The following CYRIB variants were observed in gnomAD, a reference collection of about 807,000 sequenced individuals.
CYRIB encodes CYFIP related Rac1 interactor B.
Under a neutral mutation model 44.2 loss-of-function variants are expected in CYRIB, and 8 were observed. That is an observed-to-expected ratio of 0.18 (90% CI 0.11 to 0.33). The LOEUF is 0.33. Among genes scored for constraint, CYRIB ranks in the 10% least tolerant of loss-of-function variants. CYRIB has a pLI of 1.00. For missense variants in CYRIB, 185 were observed against 382.8 expected (o/e 0.48, Z 4.31); for synonymous variants, 131 against 127.2 (o/e 1.03, Z -0.20).
At chr8:129,879,145 C>T (rs2060076953) in intron 3 of CYRIB, among the ~76,000 whole-genome samples, 1 of 152,026 alleles carries the variant, frequency 6.6e-6, no homozygotes, top group African/African-American at 2.4e-5. Flanking sequence ...TCGTAAATTA[C>T]AAAATAATCT....
chr8:129,943,592 CTT>C (rs1172470025), upstream of CYRIB, among the ~76,000 whole-genome samples: 4 of 96,186 alleles, frequency 4.2e-5, no homozygotes, highest in African/African-American at 4.4e-5. Context: ...GAGACTCCAT[CTT>C]TTTTTTTTTT....
At chr8:129,884,292 T>A (rs1273859012) in intron 2 of CYRIB, among the ~76,000 whole-genome samples, 1 of 152,112 alleles carries the variant, frequency 6.6e-6, no homozygotes, top group Non-Finnish European at 1.5e-5. Context: ...ACCAAAGGAT[T>A]TAAGATTTTT....
chr8:130,016,965 C>T (rs539577569), upstream of CYRIB: 2 of 152,444 alleles, frequency 1.3e-5, no homozygotes, highest in South Asian at 4.1e-4. Context: ...GAACCCCGGT[C>T]TCCAGACCTT....
chr8:129,864,876 A>G (rs2052521347), intron 4 of CYRIB: 2 of 397,646 alleles, frequency 5.0e-6, no homozygotes. Context: ...CCATAAAGCT[A>G]TAGAAGAAGT....
intron 2 of CYRIB, among the ~76,000 whole-genome samples, chr8:129,895,355 T>C (rs577958210): frequency 2.0e-5 from 3 of 150,670 alleles, no homozygotes; most frequent in African/African-American, 7.3e-5. Flanking sequence ...ACAAGGCAGA[T>C]ACTTTCTTCT....
At chr8:130,004,939 G>C (rs989503234) in intron 1 of CYRIB, among the ~76,000 whole-genome samples, 1 of 151,474 alleles carries the variant, frequency 6.6e-6, no homozygotes, top group Admixed American at 6.6e-5. Flanking sequence ...GCTAATTTTT[G>C]TATTTTTAGT....
intron 1 of CYRIB, among the ~76,000 whole-genome samples, chr8:129,905,458 C>T (rs2074813780): frequency 6.6e-6 from 1 of 152,200 alleles, no homozygotes; most frequent in Non-Finnish European, 1.5e-5. Context: ...ATGTCGTGAT[C>T]TGCCCACCTT....
intron 1 of CYRIB, among the ~76,000 whole-genome samples, chr8:129,991,374 T>C (rs2096629780): frequency 6.6e-6 from 1 of 152,090 alleles, no homozygotes; most frequent in South Asian, 2.1e-4. Context: ...AGGGCTTTTA[T>C]GAGGTGATTG....
At chr8:129,862,698 C>T (rs994683804) in intron 4 of CYRIB, among the ~76,000 whole-genome samples, 1 of 152,166 alleles carries the variant, frequency 6.6e-6, no homozygotes, top group Non-Finnish European at 1.5e-5. Context: ...TCTCGAACTC[C>T]TGACCTCAGG....
intron 1 of CYRIB, among the ~76,000 whole-genome samples, chr8:130,006,450 CA>C (rs923194260): frequency 7.1e-6 from 1 of 141,634 alleles, no homozygotes; most frequent in African/African-American, 2.6e-5. Flanking sequence ...ACTCTCATCT[CA>C]AAAAATAAAA....
At chr8:129,973,070 C>T (rs780065527) in intron 1 of CYRIB, among the ~76,000 whole-genome samples, 1 of 152,096 alleles carries the variant, frequency 6.6e-6, no homozygotes, top group East Asian at 1.9e-4. Flanking sequence ...AGCATTGTGG[C>T]CATGGAAATA....
intron 2 of CYRIB, among the ~76,000 whole-genome samples, chr8:129,951,868 C>T (rs188503346): frequency 1.6e-3 from 248 of 152,268 alleles, no homozygotes; most frequent in African/African-American, 5.6e-3. Flanking sequence ...GACCTAAGCC[C>T]ATGACAGTAG....
At chr8:129,976,549 T>C (rs2095925623) in intron 1 of CYRIB, among the ~76,000 whole-genome samples, 1 of 152,208 alleles carries the variant, frequency 6.6e-6, no homozygotes, top group African/African-American at 2.4e-5. Flanking sequence ...AAAAACTAAA[T>C]GCAGTCATTA....
At chr8:129,867,588 TA>T (rs1272328670) in intron 4 of CYRIB, among the ~76,000 whole-genome samples, 3 of 151,804 alleles carry the variant, frequency 2.0e-5, no homozygotes, top group East Asian at 1.9e-4. Flanking sequence ...TAATAATGTT[TA>T]AAAAATTATT....
intron 1 of CYRIB, among the ~76,000 whole-genome samples, chr8:129,933,428 C>G (rs1590287944): frequency 6.6e-6 from 1 of 152,206 alleles, no homozygotes; most frequent in South Asian, 2.1e-4. Context: ...ACCCAGGTAA[C>G]CATTCTATCT....
chr8:129,982,615 C>G (rs1812141), intron 1 of CYRIB, among the ~76,000 whole-genome samples: 1 of 152,022 alleles, frequency 6.6e-6, no homozygotes, highest in Non-Finnish European at 1.5e-5. Flanking sequence ...TCCTCACAAA[C>G]TTACTTTGCA....
chr8:129,963,245 T>C (rs1250875755), intron 2 of CYRIB, among the ~76,000 whole-genome samples: 1 of 152,214 alleles, frequency 6.6e-6, no homozygotes, highest in Non-Finnish European at 1.5e-5. Flanking sequence ...GGCCTTATGT[T>C]TCACTCCTAG....
intron 2 of CYRIB, among the ~76,000 whole-genome samples, chr8:129,960,878 A>T (rs2095214611): frequency 1.4e-5 from 2 of 144,768 alleles, no homozygotes; most frequent in African/African-American, 5.1e-5. Flanking sequence ...TGAACCCGGG[A>T]GGCGGAGGTT....
chr8:129,893,018 C>T (rs949434611), intron 2 of CYRIB, among the ~76,000 whole-genome samples: 3 of 152,166 alleles, frequency 2.0e-5, no homozygotes, highest in African/African-American at 7.2e-5. Context: ...AGTATGCACA[C>T]TCTTGTATGA....
Sources: gnomAD v4.1 joint callset for allele counts (sites outside exome capture counted in the v4.1 genomes callset) on GRCh38, gnomAD v4.1.1 for gene constraint, MANE v1.5 for transcripts, NCBI Gene and HGNC (gene_info 2026-07-23, HGNC 2026-07-21) for gene names.